SLC35D2: variants seen among roughly 807,000 people sequenced by gnomAD.
SLC35D2 encodes nucleotide sugar transporter SLC35D2.
SLC35D2 carries 43 observed loss-of-function variants against 41.8 expected under a neutral mutation model. That is an observed-to-expected ratio of 1.03 (90% CI 0.81 to 1.33). The LOEUF is 1.33. Ranked by LOEUF, SLC35D2 falls within the 40% of genes most tolerant of loss-of-function variation. The pLI, the probability that SLC35D2 is intolerant of heterozygous loss-of-function variation, is 0.00. For synonymous variants in SLC35D2, 150 were observed against 163.9 expected (o/e 0.92, Z 0.65); for missense variants, 380 against 408.4 (o/e 0.93, Z 0.60).
intron 1 of SLC35D2, 102 bp from the exon 2 acceptor site, chr9:96,368,407 A>C: frequency 1.1e-6 from 1 of 906,284 alleles, no homozygotes; most frequent in Non-Finnish European, 1.7e-6. Flanking sequence ...GAGAAAATGA[A>C]AATTTATCAA....
At chr9:96,328,567 G>A (rs1185904197) in intron 9 of SLC35D2, among the ~76,000 whole-genome samples, 1 of 152,172 alleles carries the variant, frequency 6.6e-6, no homozygotes, top group Non-Finnish European at 1.5e-5. Flanking sequence ...GAAACTCCTG[G>A]ACCAGAGCCT....
At chr9:96,340,489 G>A (rs1001463204) in intron 8 of SLC35D2, among the ~76,000 whole-genome samples, 6 of 150,952 alleles carry the variant, frequency 4.0e-5, no homozygotes, top group Admixed American at 6.6e-5. Flanking sequence ...TCATGGTGGC[G>A]GGCGCCTGTA....
At chr9:96,335,245 T>C (rs6479272) in intron 9 of SLC35D2, among the ~76,000 whole-genome samples, 103,380 of 152,160 alleles carry the variant, frequency 0.68, 36,360 homozygotes, top group East Asian at 0.87. Flanking sequence ...TTGGAATGAA[T>C]GCCCGCTCAG....
At chr9:96,372,625 C>A (rs1830756224) in intron 1 of SLC35D2, among the ~76,000 whole-genome samples, 1 of 130,074 alleles carries the variant, frequency 7.7e-6, no homozygotes, top group Admixed American at 9.5e-5. Flanking sequence ...CACTCTGTTG[C>A]CCAGGCTGGA....
intron 8 of SLC35D2, among the ~76,000 whole-genome samples, chr9:96,339,371 A>C (rs1829206206): frequency 6.6e-6 from 1 of 152,352 alleles, no homozygotes; most frequent in African/African-American, 2.4e-5. Flanking sequence ...AACCTCCCAA[A>C]GAGCCGGGAT....
intron 1 of SLC35D2, among the ~76,000 whole-genome samples, chr9:96,382,460 AT>A (rs1381761375): frequency 9.8e-5 from 13 of 132,834 alleles, no homozygotes; most frequent in African/African-American, 2.5e-4. Flanking sequence ...TCTCAAAAAA[AT>A]ATTATACACA....
At chr9:96,338,709 T>C (rs940226599) in intron 8 of SLC35D2, among the ~76,000 whole-genome samples, 1 of 152,298 alleles carries the variant, frequency 6.6e-6, no homozygotes, top group South Asian at 2.1e-4. Flanking sequence ...TGTTCACTTA[T>C]GAAAGAAAAA....
Position 96,322,022 on chromosome 9 carries a change from A to T in SLC35D2, c.890T>A (p.Leu297Ter). 1 of 1,605,308 alleles carries T rather than the reference A, an allele frequency of 6.2e-7. No individual in the cohort carries two copies. The change falls in exon 11 of 12, where the codon TTA becomes TAA. Residue 297 changes from leucine to a stop codon, truncating the protein, a stop_gained. Transcript: ENST00000253270. LOFTEE classifies it low-confidence loss of function (END_TRUNC). ...CCAAATATTTAACCCTACAAAGTTT[A>T]ACAAAGAGAAAATGTAGTCTCCACC... ...LIGGDYIFSL[L>*]NFVGLNICMA...
At chr9:96,348,741 G>A (rs554991523) in intron 6 of SLC35D2, among the ~76,000 whole-genome samples, 2 of 152,252 alleles carry the variant, frequency 1.3e-5, no homozygotes, top group South Asian at 2.1e-4. Flanking sequence ...ACTCCAGGCT[G>A]GCTCTTGGTT....
chr9:96,352,292 C>T (rs1829842861), intron 4 of SLC35D2, among the ~76,000 whole-genome samples, 183 bp from the exon 5 acceptor site: 2 of 152,074 alleles, frequency 1.3e-5, no homozygotes, highest in Admixed American at 1.3e-4. Context: ...ACCACTTTCA[C>T]TTAGCAATTT....
At chr9:96,356,304 G>C (rs998037461) in intron 4 of SLC35D2, among the ~76,000 whole-genome samples, 1 of 151,254 alleles carries the variant, frequency 6.6e-6, no homozygotes, top group Non-Finnish European at 1.5e-5. Flanking sequence ...GCCTCAGGTA[G>C]TCCTTTACAG....
intron 4 of SLC35D2, among the ~76,000 whole-genome samples, chr9:96,352,776 G>A (rs985587160): frequency 4.0e-5 from 6 of 150,844 alleles, no homozygotes; most frequent in Non-Finnish European, 3.0e-5. Context: ...CGTGGCTCTC[G>A]CCTGTAATCC....
chr9:96,315,278 C>A (rs572171388), intron 11 of SLC35D2, among the ~76,000 whole-genome samples: 1 of 152,218 alleles, frequency 6.6e-6, no homozygotes, highest in East Asian at 1.9e-4. Flanking sequence ...CGCCACCATG[C>A]CTGGCTAATG....
intron 1 of SLC35D2, among the ~76,000 whole-genome samples, chr9:96,372,103 C>A (rs1343821653): frequency 6.6e-6 from 1 of 152,152 alleles, no homozygotes; most frequent in African/African-American, 2.4e-5. Flanking sequence ...CCAGCATGAC[C>A]CGAGCTGTGG....
downstream of SLC35D2, among the ~76,000 whole-genome samples, chr9:96,316,125 CG>C (rs1194275567): frequency 6.6e-6 from 1 of 152,092 alleles, no homozygotes; most frequent in Non-Finnish European, 1.5e-5. Context: ...AGGGAAAATC[CG>C]GATGTATTCT....
chr9:96,319,522 T>C (rs980242693), downstream of SLC35D2, among the ~76,000 whole-genome samples: 2 of 152,180 alleles, frequency 1.3e-5, no homozygotes, highest in African/African-American at 4.8e-5. Flanking sequence ...AAAGTTTTTT[T>C]TGAGACAGGG....
At chr9:96,371,718 CTTTTTTTTT>C (rs774105070) in intron 1 of SLC35D2, among the ~76,000 whole-genome samples, 75 of 90,568 alleles carry the variant, frequency 8.3e-4, no homozygotes, top group African/African-American at 3.7e-3. Flanking sequence ...AACTAAATTT[CTTTTTTTTT>C]TTTTTTTTTT....
At chr9:96,355,313 C>G (rs1350229186) in intron 4 of SLC35D2, among the ~76,000 whole-genome samples, 1 of 151,452 alleles carries the variant, frequency 6.6e-6, no homozygotes, top group Non-Finnish European at 1.5e-5. Flanking sequence ...GCCACCACGC[C>G]AAGCCAAAAA....
intron 8 of SLC35D2, among the ~76,000 whole-genome samples, chr9:96,337,788 C>T (rs1587849288): frequency 6.6e-6 from 1 of 151,550 alleles, no homozygotes; most frequent in African/African-American, 2.4e-5. Flanking sequence ...TTGAGACCAG[C>T]CTGGCCAACA....
Sources: allele counts gnomAD v4.1 joint callset (sites outside exome capture counted in the v4.1 genomes callset), GRCh38; gene constraint gnomAD v4.1.1; transcripts MANE v1.5; gene names NCBI Gene and HGNC (gene_info 2026-07-23, HGNC 2026-07-21).